The following KIF21B variants were observed in gnomAD, a reference collection of about 807,000 sequenced individuals.
KIF21B encodes kinesin-like protein KIF21B.
A neutral mutation model predicts 192.9 loss-of-function variants in KIF21B; 85 were observed. The observed-to-expected ratio is 0.44, with a 90% CI of 0.37 to 0.53. KIF21B has a LOEUF of 0.53. Ranked by LOEUF, KIF21B falls within the 20% of genes least tolerant of loss-of-function variation. The probability of loss-of-function intolerance (pLI) is 0.00; values close to 1 mark genes in which losing one functional copy is unlikely to be tolerated. For missense variants in KIF21B, 1,716 were observed against 2,194.8 expected (o/e 0.78, Z 4.36); for synonymous variants, 832 against 884.6 (o/e 0.94, Z 1.05).
intron 30 of KIF21B, among the ~76,000 whole-genome samples, chr1:200,979,276 A>G (rs1042373292): frequency 6.6e-6 from 1 of 152,192 alleles, no homozygotes; most frequent in African/African-American, 2.4e-5. Flanking sequence ...CTCAAGGGGC[A>G]GGGCTTGGGG....
chr1:201,003,625 C>T lies in KIF21B; in HGVS notation c.1173G>A (p.Glu391=). 1.2e-6 allele frequency: 2 copies of T among 1,614,184 alleles called. No individual in the cohort carries two copies. The highest frequency in any genetic ancestry group is 1.7e-6 in the Non-Finnish European group (2 of 1,180,040). ...TCAGCTCCATCTGCAGCCGAGCAATCTCAGCCCGCAGTGCACTGATTTGCT... is the reference window on the plus strand; with the variant it reads ...TCAGCTCCATCTGCAGCCGAGCAATTTCAGCCCGCAGTGCACTGATTTGCT... ...TSQQISALRA[E]IARLQMELME... is the part of the protein sequence containing the mutation. The change falls in exon 8 of 35, where the codon GAG becomes GAA. Residue 391 remains glutamate (E), a synonymous_variant. Transcript: ENST00000461742.
chr1:200,987,103 G>T lies in KIF21B; in HGVS notation c.3507C>A (p.Ala1169=). Residue 1169 remains alanine, a synonymous_variant, in exon 25 of 35, where the codon GCC becomes GCA. Coordinates refer to ENST00000461742, the MANE Select transcript of KIF21B (RefSeq NM_001252102.2). The part of the protein sequence containing the change: ...ISTKNITKSL[A]SLVEIKEDGV... Reference sequence around the variant, plus strand: ...CGTCCTCTTTGATCTCAACGAGGGAGGCCAGGGACTTGGTGATGTTCTTGG... The same window carrying T: ...CGTCCTCTTTGATCTCAACGAGGGATGCCAGGGACTTGGTGATGTTCTTGG... 1 of 1,614,064 alleles carries T rather than the reference G, an allele frequency of 6.2e-7. No individual in the cohort carries two copies. Among genetic ancestry groups the T allele is most frequent in the Non-Finnish European group, 8.5e-7 (1 of 1,180,004 alleles).
At chr1:201,021,119 C>G (rs777979480) in intron 1 of KIF21B, among the ~76,000 whole-genome samples, 1 of 152,212 alleles carries the variant, frequency 6.6e-6, no homozygotes, top group East Asian at 1.9e-4. Flanking sequence ...GGGGGTGCTG[C>G]GGGGGAGGAT....
intron 1 of KIF21B, among the ~76,000 whole-genome samples, chr1:201,020,807 C>CTA (rs1252310884): frequency 1.2e-5 from 1 of 82,578 alleles, no homozygotes; most frequent in Non-Finnish European, 2.1e-5. Context: ...CCTCTCTCCT[C>CTA]TACACACACA....
chr1:201,014,431 A>G (rs1658392204), intron 1 of KIF21B, among the ~76,000 whole-genome samples: 1 of 152,196 alleles, frequency 6.6e-6, no homozygotes, highest in African/African-American at 2.4e-5. Flanking sequence ...GAAGGGGAGG[A>G]CAGAGGAGAC....
chr1:200,997,056 T>A (rs898881123), intron 14 of KIF21B, among the ~76,000 whole-genome samples: 1 of 152,216 alleles, frequency 6.6e-6, no homozygotes. Flanking sequence ...CACCACCTCC[T>A]AAGCCACCTC....
Position 201,010,834 on chromosome 1 carries a change from A to G in KIF21B, c.42-1346T>C, listed in dbSNP as rs1329918418. On this transcript the variant is annotated intron_variant, in intron 1 of 34. Coordinates refer to ENST00000461742, the MANE Select transcript of KIF21B (RefSeq NM_001252102.2). ...GAGCTGTAGGCTGGGAAAGGTGCTCACCTGAGCCTATTGCCTGCACTTCCA... is the reference window on the plus strand; with the variant it reads ...GAGCTGTAGGCTGGGAAAGGTGCTCGCCTGAGCCTATTGCCTGCACTTCCA... Among the ~76,000 whole-genome samples the G allele has an allele frequency of 2.0e-5, 3 of 152,124 alleles. No individual in the cohort carries two copies. In the East Asian group the frequency reaches 5.8e-4, roughly 30 times the overall value.
At chr1:200,973,849 C>G (rs1435687450) in intron 34 of KIF21B, 2 of 1,439,192 alleles carry the variant, frequency 1.4e-6, no homozygotes, top group Non-Finnish European at 1.8e-6. Context: ...CCTGAAGGCT[C>G]CCCCTTCTGC....
chr1:201,023,214 C>T lies in KIF21B; in HGVS notation c.41+129G>A, dbSNP rs923879124. ...CAGCGCGCGGCGCCCTCCATCCCGT[C>T]CCACGCCGGCCCCTCCTCCGGGAGT... is the stretch of plus-strand genomic sequence containing the variant. On this transcript the variant is annotated intron_variant, in intron 1 of 34. Transcript: ENST00000461742. This position sits in a 1 kb window ranked among gnomAD's most constrained non-coding sequence, Gnocchi z 5.9. 1.1e-5 allele frequency: 8 copies of T among 742,760 alleles called. No individual in the cohort carries two copies. Among genetic ancestry groups the T allele is most frequent in the Non-Finnish European group, 1.6e-5 (8 of 510,768 alleles). The allele number at this position is 742,760 out of a possible 1,614,324, so 46.0% of individuals were successfully genotyped here. A position where few individuals can be genotyped will look rare whatever the true frequency, so the allele number is the denominator to read the frequency against.
At chr1:201,018,778 C>T (rs774111567) in intron 1 of KIF21B, among the ~76,000 whole-genome samples, 4 of 152,180 alleles carry the variant, frequency 2.6e-5, no homozygotes, top group Admixed American at 6.5e-5. Flanking sequence ...TAGTGCTTAG[C>T]CACCTCCTGG....
At chr1:200,978,661 C>A (rs1655720769) in intron 30 of KIF21B, among the ~76,000 whole-genome samples, 1 of 152,134 alleles carries the variant, frequency 6.6e-6, no homozygotes, top group Non-Finnish European at 1.5e-5. Context: ...AATTTTACTG[C>A]CCTAAAAACC....
At chr1:200,973,893 T>A in intron 34 of KIF21B, 1 of 1,471,334 alleles carries the variant, frequency 6.8e-7, no homozygotes, top group Non-Finnish European at 9.0e-7. Flanking sequence ...CCTGTCCCAC[T>A]GTTCATGCTT....
At position 200,999,354 on chromosome 1, in the gene KIF21B, T is replaced by C. The variant is rs1657308241; in HGVS notation, c.1880A>G (p.Glu627Gly). ...SLVDSDSDPE[E>G]KEVNFQADLA... is the part of the protein sequence containing the mutation. ...CACAGCTCAGGCCCACGCACCCTTCTCCTCGGGGTCTGAGTCTGAGTCCAC... is the reference window on the plus strand; with the variant it reads ...CACAGCTCAGGCCCACGCACCCTTCCCCTCGGGGTCTGAGTCTGAGTCCAC... Residue 627 changes from glutamate (E) to glycine (G), a missense_variant, in exon 13 of 35, where the codon GAG becomes GGG. Physicochemically the swap from Glu to Gly is moderately conservative, Grantham distance 98. This residue lies in a region of KIF21B where 1,087 missense variants were observed against 1,316.6 expected (regional missense o/e 0.83). Coordinates refer to ENST00000461742, the MANE Select transcript of KIF21B (RefSeq NM_001252102.2). The surrounding 1 kb of genome is among the most constrained non-coding windows in gnomAD (Gnocchi z 4.7). The C allele has an allele frequency of 6.2e-7, 1 of 1,614,080 alleles. No individual in the cohort carries two copies. The highest frequency in any genetic ancestry group is 2.2e-5 in the East Asian group (1 of 44,864).
At chr1:200,989,127 T>C (rs1169173387) in intron 21 of KIF21B, among the ~76,000 whole-genome samples, 196 bp from the exon 22 acceptor site, 1 of 152,118 alleles carries the variant, frequency 6.6e-6, no homozygotes, top group East Asian at 1.9e-4. Context: ...AAGGTCACCT[T>C]AGGACATACC....
chr1:200,975,709 G>C lies in KIF21B; in HGVS notation c.4444-40C>G. ...GCCAGTAGGGAGAGGCCAAGTGGGA[G>C]GATGGAAGGCAGGGCCTACAGCACT... On this transcript the variant is annotated intron_variant, in intron 32 of 34. Coordinates refer to ENST00000461742, the MANE Select transcript of KIF21B (RefSeq NM_001252102.2). The surrounding 1 kb of genome is among the most constrained non-coding windows in gnomAD (Gnocchi z 4.3). 1 of 1,570,204 alleles carries C rather than the reference G, an allele frequency of 6.4e-7. No homozygotes were observed. The highest frequency in any genetic ancestry group is 1.3e-5 in the African/African-American group (1 of 74,456).
rs296564 is a variant in KIF21B at position 200,975,036 on chromosome 1, C to T, written c.4615-123G>A. The T allele has an allele frequency of 0.2, 189,084 of 958,900 alleles. 20,867 individuals carry two copies. The highest frequency in any genetic ancestry group is 0.4 in the African/African-American group (24,887 of 61,918). The allele number at this position is 958,900 out of a possible 1,614,324, so 59.4% of individuals were successfully genotyped here. A position where few individuals can be genotyped will look rare whatever the true frequency, so the allele number is the denominator to read the frequency against. On this transcript the variant is annotated intron_variant, in intron 33 of 34. Transcript: ENST00000461742. The surrounding 1 kb of genome is among the most constrained non-coding windows in gnomAD (Gnocchi z 4.3). ...TCCCCTGGCCTCTAGAGCTGCCACA[C>T]GGGCGGGTGACACTGGTTCCAGGAG... is the stretch of plus-strand genomic sequence containing the variant.
intron 3 of KIF21B, among the ~76,000 whole-genome samples, chr1:201,007,373 GAGACAGAGACAC>G (rs1657936396): frequency 7.1e-5 from 3 of 42,334 alleles, no homozygotes; most frequent in East Asian, 6.4e-4. Context: ...CACACACACA[GAGACAGAGACAC>G]ACAGACACAC....
chr1:201,003,830 C>G (rs751466497), intron 7 of KIF21B, 49 bp from the exon 8 acceptor site: 1 of 1,592,346 alleles, frequency 6.3e-7, no homozygotes, highest in South Asian at 1.1e-5. Context: ...CAGCCAGCCC[C>G]CAGAAGCATT....
At position 200,998,372 on chromosome 1, in the gene KIF21B, C is replaced by T. The variant is rs948497436; in HGVS notation, c.2077+12G>A. On this transcript the variant is annotated intron_variant, in intron 14 of 34. Coordinates refer to ENST00000461742, the MANE Select transcript of KIF21B (RefSeq NM_001252102.2). This position sits in a 1 kb window ranked among gnomAD's most constrained non-coding sequence, Gnocchi z 4.3. ...GTCCGGATGGGGTGGAGGGGCATGG[C>T]GGTGGCCTCACTGAGGTTCTGCAGC... 4.4e-6 allele frequency: 7 copies of T among 1,604,826 alleles called. No homozygotes were observed. Among genetic ancestry groups the T allele is most frequent in the East Asian group, 2.2e-5 (1 of 44,732 alleles).
Sources: allele counts gnomAD v4.1 joint callset (sites outside exome capture counted in the v4.1 genomes callset), GRCh38; gene constraint gnomAD v4.1.1; regional missense constraint gnomAD v4.1.1; non-coding constraint Gnocchi (gnomAD v3.1); transcripts MANE v1.5; gene names NCBI Gene and HGNC (gene_info 2026-07-23, HGNC 2026-07-21).